Variants in L3HYPDH observed in about 807,000 individuals in gnomAD.
L3HYPDH encodes the protein trans-L-3-hydroxyproline dehydratase.
L3HYPDH carries 32 observed loss-of-function variants against 26.5 expected under a neutral mutation model. The observed-to-expected ratio is 1.21, with a 90% CI of 0.91 to 1.62. The LOEUF is 1.62. L3HYPDH is among the 40% of genes most tolerant of loss of function. The pLI is 0.00. For missense variants in L3HYPDH, 554 were observed against 476.4 expected (o/e 1.16, Z -1.52); for synonymous variants, 215 against 196.6 (o/e 1.09, Z -0.78).
chr14:59,476,747 G>C lies in L3HYPDH; in HGVS notation c.679-533C>G, dbSNP rs780315333. Among the ~76,000 whole-genome samples the C allele has an allele frequency of 5.9e-5, 9 of 152,188 alleles. No homozygotes were observed. In the Middle Eastern group the frequency reaches 0.014, roughly 232 times the overall value. ...AAACTATTAGGCAAGAGAAACAATT[G>C]GAGGAAAAAAAGATTTATTGTAGAC... On this transcript the variant is annotated intron_variant, in intron 2 of 4. Coordinates refer to ENST00000247194, the MANE Select transcript of L3HYPDH (RefSeq NM_144581.2).
chr14:59,499,788 G>A, the L3HYPDH span, among the ~76,000 whole-genome samples: 2 of 152,170 alleles, frequency 1.3e-5, no homozygotes, highest in Admixed American at 1.3e-4. Flanking sequence ...TCTGTTATCC[G>A]CCATATTCTG....
intron 1 of L3HYPDH, among the ~76,000 whole-genome samples, chr14:59,466,772 T>C (rs73301794): frequency 0.034 from 5,182 of 152,296 alleles, 274 homozygotes; most frequent in African/African-American, 0.12. Context: ...CTAAGCGTCA[T>C]GGACTTTTGG....
chr14:59,494,529 G>T, the L3HYPDH span, among the ~76,000 whole-genome samples: 1 of 152,154 alleles, frequency 6.6e-6, no homozygotes, highest in African/African-American at 2.4e-5. Flanking sequence ...AAATACAGTT[G>T]GGATAAAAAC....
At chr14:59,477,411 T>G (rs959311005) in intron 2 of L3HYPDH, among the ~76,000 whole-genome samples, 3 of 152,260 alleles carry the variant, frequency 2.0e-5, no homozygotes, top group Non-Finnish European at 2.9e-5. Context: ...AGTAATTAAT[T>G]GTACTGTCTG....
chr14:59,485,238 C>A, upstream of L3HYPDH: 1 of 1,052,284 alleles, frequency 9.5e-7, no homozygotes, highest in South Asian at 1.6e-5. Flanking sequence ...AGATGTAAAG[C>A]CCATACAGAA....
the L3HYPDH span, among the ~76,000 whole-genome samples, chr14:59,502,159 AATT>A: frequency 6.6e-6 from 1 of 152,180 alleles, no homozygotes; most frequent in African/African-American, 2.4e-5. Context: ...TTTCTAAAAT[AATT>A]ATATTTATTA....
rs1040388711 is a variant in L3HYPDH, at chr14:59,484,255, G to A, written c.62C>T (p.Ser21Leu). 1.9e-6 allele frequency: 3 copies of A among 1,597,670 alleles called. No individual in the cohort carries two copies. Among genetic ancestry groups the A allele is most frequent in the Admixed American group, 1.7e-5 (1 of 59,954 alleles). The part of the protein sequence containing the change: ...PPHDPGTPVL[S>L]VVDMHTGGEP... ...GCCGCCCGTGTGCATGTCCACCACC[G>A]ACAGCACCGGCGTCCCTGGATCATG... The change falls in exon 1 of 5, where the codon TCG (serine) becomes TTG (leucine). Residue 21 changes from serine (S) to leucine (L), a missense_variant. Coordinates refer to ENST00000247194, the MANE Select transcript of L3HYPDH (RefSeq NM_144581.2).
chr14:59,481,946 C>T (rs1890057139), intron 1 of L3HYPDH, among the ~76,000 whole-genome samples: 1 of 152,184 alleles, frequency 6.6e-6, no homozygotes, highest in African/African-American at 2.4e-5. Context: ...AAAGCCAAAA[C>T]TTTAATTTCC....
intron 4 of L3HYPDH, among the ~76,000 whole-genome samples, chr14:59,473,533 T>C (rs1308437595): frequency 6.6e-6 from 1 of 152,196 alleles, no homozygotes; most frequent in Non-Finnish European, 1.5e-5. Flanking sequence ...GTGATGCCAT[T>C]AAACACAATG....
the L3HYPDH span, among the ~76,000 whole-genome samples, chr14:59,491,834 T>C: frequency 1.3e-5 from 2 of 152,218 alleles, no homozygotes; most frequent in Non-Finnish European, 2.9e-5. Flanking sequence ...AGCAGTGTTA[T>C]CTGGATACTG....
At chr14:59,482,208 C>T (rs887999060) in intron 1 of L3HYPDH, among the ~76,000 whole-genome samples, 1 of 152,184 alleles carries the variant, frequency 6.6e-6, no homozygotes, top group Non-Finnish European at 1.5e-5. Flanking sequence ...GAGGCATGGA[C>T]TCTCTAGCAC....
downstream of L3HYPDH, among the ~76,000 whole-genome samples, chr14:59,472,055 A>G (rs1314713600): frequency 6.6e-6 from 1 of 152,240 alleles, no homozygotes; most frequent in Non-Finnish European, 1.5e-5. Flanking sequence ...TGGATGCTCC[A>G]AAATAAAATA....
intron 2 of L3HYPDH, among the ~76,000 whole-genome samples, chr14:59,477,431 T>A (rs73303623): frequency 0.012 from 1,803 of 152,352 alleles, 28 homozygotes; most frequent in African/African-American, 0.042. Flanking sequence ...GATACATCAA[T>A]AACAGAACTT....
chr14:59,469,720 G>A (rs199988705), downstream of L3HYPDH, among the ~76,000 whole-genome samples: 203 of 152,276 alleles, frequency 1.3e-3, 1 homozygote, highest in African/African-American at 4.6e-3. Flanking sequence ...CTAGCTTGGT[G>A]GATGGTGGTG....
chr14:59,502,279 T>G, the L3HYPDH span, among the ~76,000 whole-genome samples: 1 of 152,170 alleles, frequency 6.6e-6, no homozygotes, highest in East Asian at 1.9e-4. Context: ...GGCCAAACTC[T>G]AGAGGAAGCA....
the L3HYPDH span, chr14:59,501,191 A>T: frequency 2.5e-6 from 4 of 1,573,548 alleles, no homozygotes; most frequent in Non-Finnish European, 3.5e-6. Context: ...TATCTTTCAG[A>T]TTACGCCTTC....
chr14:59,502,760 T>TGTTTTGTTTTG, the L3HYPDH span, among the ~76,000 whole-genome samples: 55 of 130,148 alleles, frequency 4.2e-4, 1 homozygote, highest in East Asian at 5.3e-3. Flanking sequence ...ATTTTTTTTT[T>TGTTTTGTTTTG]TTTTTTTTTT....
chr14:59,501,620 A>G, the L3HYPDH span, among the ~76,000 whole-genome samples: 22 of 152,348 alleles, frequency 1.4e-4, no homozygotes, highest in South Asian at 3.9e-3. Flanking sequence ...ATTTAGAACT[A>G]ATTTTAAACT....
At chr14:59,489,138 C>T (rs1043382555), upstream of L3HYPDH, among the ~76,000 whole-genome samples, 3 of 152,240 alleles carry the variant, frequency 2.0e-5, no homozygotes, top group African/African-American at 7.2e-5. Context: ...TTCTTCTCTA[C>T]CACATGGCCA....
Sources: allele counts gnomAD v4.1 joint callset (sites outside exome capture counted in the v4.1 genomes callset), GRCh38; gene constraint gnomAD v4.1.1; transcripts MANE v1.5; gene names NCBI Gene and HGNC (gene_info 2026-07-23, HGNC 2026-07-21).